CTNNA2: variants seen among roughly 807,000 people sequenced by gnomAD.
CTNNA2 encodes the protein catenin alpha 2.
A neutral mutation model predicts 101.0 loss-of-function variants in CTNNA2; 42 were observed. The observed-to-expected ratio is 0.42, with a 90% CI of 0.32 to 0.54. CTNNA2 has a LOEUF of 0.54. Ranked by LOEUF, CTNNA2 falls within the 20% of genes least tolerant of loss-of-function variation. The pLI, the probability that CTNNA2 is intolerant of heterozygous loss-of-function variation, is 0.14. For synonymous variants in CTNNA2, 450 were observed against 456.4 expected, an observed-to-expected ratio of 0.99 and a Z score of 0.18; for missense variants, 871 against 1,223.1, an observed-to-expected ratio of 0.71 and a Z score of 4.29.
intron 1 of CTNNA2, among the ~76,000 whole-genome samples, chr2:79,553,253 C>G (rs1313161201): frequency 6.6e-6 from 1 of 152,164 alleles, no homozygotes; most frequent in Non-Finnish European, 1.5e-5. Flanking sequence ...TTGGCCATCT[C>G]TGTCCATATC....
rs144780453 is a variant in CTNNA2, at chr2:79,867,712, G to A, written c.466-2104G>A. On this transcript the variant is annotated intron_variant, in intron 4 of 18. Transcript: ENST00000402739. ...GAGAAAATAAGTTATGTGTAACACCGTAAAATAAGTATTCCAAATTGGTCT... is the reference window on the plus strand; with the variant it reads ...GAGAAAATAAGTTATGTGTAACACCATAAAATAAGTATTCCAAATTGGTCT... 2.4e-3 allele frequency among the ~76,000 whole-genome samples: 364 copies of A among 151,954 alleles called. 5 individuals carry two copies. Among genetic ancestry groups the A allele is most frequent in the Admixed American group, 0.021 (316 of 15,236 alleles).
intron 3 of CTNNA2, among the ~76,000 whole-genome samples, chr2:79,789,396 G>A (rs1050481744): frequency 1.3e-5 from 2 of 152,260 alleles, no homozygotes; most frequent in East Asian, 3.9e-4. Flanking sequence ...TGCCAGAAAC[G>A]GGAAGGTCAG....
intron 3 of CTNNA2, among the ~76,000 whole-genome samples, chr2:79,347,716 A>G (rs1280905350): frequency 4.6e-5 from 7 of 151,498 alleles, no homozygotes; most frequent in Non-Finnish European, 8.8e-5. Flanking sequence ...TGATCTTTCT[A>G]CTACATCTGA....
At chr2:80,272,817 A>C (rs1673602901) in intron 7 of CTNNA2, among the ~76,000 whole-genome samples, 1 of 152,166 alleles carries the variant, frequency 6.6e-6, no homozygotes, top group Non-Finnish European at 1.5e-5. Flanking sequence ...GTGTTTATTA[A>C]ATCTAGCAAC....
intron 3 of CTNNA2, among the ~76,000 whole-genome samples, chr2:79,795,162 T>G (rs1255390271): frequency 6.6e-6 from 1 of 152,178 alleles, no homozygotes; most frequent in East Asian, 1.9e-4. Flanking sequence ...GACTATCCAG[T>G]TAGGTGTTCT....
chr2:80,322,809 C>A lies in CTNNA2; in HGVS notation c.1057-70402C>A, dbSNP rs374320297. On this transcript the variant is annotated intron_variant, in intron 7 of 18. Coordinates refer to ENST00000402739, the MANE Select transcript of CTNNA2 (RefSeq NM_001282597.3). Reference sequence around the variant, plus strand: ...CTCGGGGGCCATACTCCAAAATCAACCAGGGGCTGCCTCGGCATCCAAGAC... The same window carrying A: ...CTCGGGGGCCATACTCCAAAATCAAACAGGGGCTGCCTCGGCATCCAAGAC... Among the ~76,000 whole-genome samples, 4 of 152,034 alleles carry A rather than the reference C, an allele frequency of 2.6e-5. No homozygotes were observed. The East Asian group carries it at 5.9e-4, about 22-fold the overall frequency.
rs531492888 is a variant in CTNNA2, at chr2:80,470,078, T to C, written c.1290+50477T>C. Among the ~76,000 whole-genome samples the C allele has an allele frequency of 1.4e-3, 213 of 152,154 alleles. 1 individual carries two copies. Among genetic ancestry groups the C allele is most frequent in the African/African-American group, 4.6e-3 (192 of 41,554 alleles). On this transcript the variant is annotated intron_variant, in intron 9 of 18. Coordinates refer to ENST00000402739, the MANE Select transcript of CTNNA2 (RefSeq NM_001282597.3). ...TTTACCCGTGCGGGGGAGAGAAGCA[T>C]TGGGGCCAAGGGAGCATGCTCATTC...
chr2:79,190,127 C>A (rs1393791921), intron 1 of CTNNA2, among the ~76,000 whole-genome samples: 1 of 152,046 alleles, frequency 6.6e-6, no homozygotes, highest in Non-Finnish European at 1.5e-5. Flanking sequence ...TCCTCTGACC[C>A]ATGGATTGTT....
intron 13 of CTNNA2, among the ~76,000 whole-genome samples, chr2:80,578,548 C>T (rs562569936): frequency 1.3e-5 from 2 of 152,282 alleles, no homozygotes; most frequent in African/African-American, 2.4e-5. Flanking sequence ...GTAGGAGACA[C>T]ACTCACATGC....
At chr2:79,814,611 A>G (rs1677328080) in intron 3 of CTNNA2, among the ~76,000 whole-genome samples, 2 of 134,678 alleles carry the variant, frequency 1.5e-5, no homozygotes, top group Admixed American at 1.5e-4. Flanking sequence ...GTGTGTATAC[A>G]CACACACACA....
intron 3 of CTNNA2, among the ~76,000 whole-genome samples, chr2:79,856,775 C>T (rs921909814): frequency 5.9e-5 from 9 of 152,140 alleles, no homozygotes; most frequent in Non-Finnish European, 1.3e-4. Flanking sequence ...CACATCTAGT[C>T]AGCCCTTAGA....
chr2:79,450,303 T>A (rs916535916), intron 4 of CTNNA2, among the ~76,000 whole-genome samples: 2 of 152,110 alleles, frequency 1.3e-5, no homozygotes, highest in African/African-American at 4.8e-5. Flanking sequence ...CATGCTACGG[T>A]CCACTGGTAT....
intron 9 of CTNNA2, among the ~76,000 whole-genome samples, chr2:80,471,064 C>T (rs998978845): frequency 2.0e-5 from 3 of 152,158 alleles, no homozygotes; most frequent in Non-Finnish European, 4.4e-5. Flanking sequence ...AAGGTCCTTG[C>T]AAGCAGCCCA....
rs74586834 is a variant in CTNNA2 at position 79,846,747 on chromosome 2, A to G, written c.299-11266A>G. 1.1e-4 allele frequency among the ~76,000 whole-genome samples: 17 copies of G among 152,324 alleles called. No individual in the cohort carries two copies. The East Asian group carries it at 3.3e-3, about 29-fold the overall frequency. Reference sequence around the variant, plus strand: ...TGAGAAAGCCATTAAAGATTTTGATAGTTATTTTCTGAAATTCAGACATTG... The same window carrying G: ...TGAGAAAGCCATTAAAGATTTTGATGGTTATTTTCTGAAATTCAGACATTG... On this transcript the variant is annotated intron_variant, in intron 3 of 18. Coordinates refer to ENST00000402739, the MANE Select transcript of CTNNA2 (RefSeq NM_001282597.3).
At chr2:80,637,987 G>A (rs769273507) in intron 18 of CTNNA2, among the ~76,000 whole-genome samples, 1 of 152,082 alleles carries the variant, frequency 6.6e-6, no homozygotes, top group Non-Finnish European at 1.5e-5. Flanking sequence ...CAGAAAGGGT[G>A]GGGTCATTTA....
At chr2:79,414,474 C>A (rs1166170593) in intron 4 of CTNNA2, among the ~76,000 whole-genome samples, 1 of 151,836 alleles carries the variant, frequency 6.6e-6, no homozygotes, top group South Asian at 2.1e-4. Context: ...ATACTATATC[C>A]CCCATAAACA....
intron 4 of CTNNA2, among the ~76,000 whole-genome samples, chr2:79,381,866 T>C (rs1271981216): frequency 6.6e-6 from 1 of 152,228 alleles, no homozygotes; most frequent in Admixed American, 6.5e-5. Context: ...GGTTCCATCC[T>C]GACCAAATGT....
At chr2:79,692,400 G>A (rs1458096569) in intron 2 of CTNNA2, among the ~76,000 whole-genome samples, 4 of 152,132 alleles carry the variant, frequency 2.6e-5, no homozygotes, top group Non-Finnish European at 5.9e-5. Context: ...GGAGAAATAG[G>A]AATGCTTTTA....
In CTNNA2 at chr2:80,171,497, A is replaced by G. The variant is rs568621060; in HGVS notation, c.1057-221714A>G. The stretch of plus-strand genomic sequence containing the variant: ...AGGGTATCTGTTAAGATACTGTAAC[A>G]AAGAAGCCCCCAAATATGTGACAAC... On this transcript the variant is annotated intron_variant, in intron 7 of 18. Coordinates refer to ENST00000402739, the MANE Select transcript of CTNNA2 (RefSeq NM_001282597.3). Among the ~76,000 whole-genome samples the G allele has an allele frequency of 5.9e-5, 9 of 152,338 alleles. No homozygotes were observed. In the South Asian group the frequency reaches 1.9e-3, roughly 32 times the overall value.
Sources: gnomAD v4.1 joint callset for allele counts (sites outside exome capture counted in the v4.1 genomes callset) on GRCh38, gnomAD v4.1.1 for gene constraint, MANE v1.5 for transcripts, NCBI Gene and HGNC (gene_info 2026-07-23, HGNC 2026-07-21) for gene names.